MGAT4C: variants seen among roughly 807,000 people sequenced by gnomAD.
MGAT4C encodes MGAT4 family member C, also known as alpha-1,3-mannosyl-glycoprotein 4-beta-N-acetylglucosaminyltransferase C.
MGAT4C carries 19 observed loss-of-function variants against 40.1 expected under a neutral mutation model. The observed-to-expected ratio is 0.47, with a 90% CI of 0.33 to 0.70. MGAT4C has a LOEUF of 0.70. MGAT4C is among the 30% of genes least tolerant of loss of function. The pLI, the probability that MGAT4C is intolerant of heterozygous loss-of-function variation, is 0.02. For synonymous variants in MGAT4C, 181 were observed against 187.1 expected (o/e 0.97, Z 0.27); for missense variants, 491 against 563.2 (o/e 0.87, Z 1.30).
chr12:86,199,986 T>G (rs13378062), intron 1 of MGAT4C, among the ~76,000 whole-genome samples: 16,294 of 152,034 alleles, frequency 0.11, 1,837 homozygotes, highest in African/African-American at 0.29. Context: ...ATAGAACATT[T>G]CCATCCCCAG....
At chr12:86,513,251 G>A (rs1379283840) in intron 2 of MGAT4C, among the ~76,000 whole-genome samples, 1 of 152,042 alleles carries the variant, frequency 6.6e-6, no homozygotes, top group African/African-American at 2.4e-5. Flanking sequence ...TATATTTACA[G>A]GAAAATATGG....
At chr12:86,720,936 C>A (rs1950726245) in intron 2 of MGAT4C, among the ~76,000 whole-genome samples, 1 of 152,046 alleles carries the variant, frequency 6.6e-6, no homozygotes, top group African/African-American at 2.4e-5. Flanking sequence ...TTGGAGAGAG[C>A]TGAGCAATAA....
chr12:86,708,136 C>A (rs574450763), intron 2 of MGAT4C, among the ~76,000 whole-genome samples: 1 of 152,320 alleles, frequency 6.6e-6, no homozygotes, highest in South Asian at 2.1e-4. Context: ...AAAGTGGTTT[C>A]ATGGGCCAGG....
At chr12:86,524,635 C>A (rs1958849802) in intron 2 of MGAT4C, among the ~76,000 whole-genome samples, 1 of 152,100 alleles carries the variant, frequency 6.6e-6, no homozygotes, top group African/African-American at 2.4e-5. Flanking sequence ...TGGGAAATTT[C>A]TCATGGATGA....
intron 1 of MGAT4C, among the ~76,000 whole-genome samples, chr12:86,228,711 G>A (rs895527000): frequency 3.3e-5 from 5 of 151,824 alleles, no homozygotes; most frequent in Non-Finnish European, 7.4e-5. Context: ...CTTTATGTAT[G>A]TAAGACTCTA....
chr12:86,051,562 C>A (rs965391911), intron 1 of MGAT4C, among the ~76,000 whole-genome samples: 1 of 151,568 alleles, frequency 6.6e-6, no homozygotes, highest in Non-Finnish European at 1.5e-5. Context: ...AAGATAATTT[C>A]ATCTGGTTAA....
At chr12:86,660,857 C>T (rs957424200) in intron 2 of MGAT4C, among the ~76,000 whole-genome samples, 1 of 152,092 alleles carries the variant, frequency 6.6e-6, no homozygotes, top group Non-Finnish European at 1.5e-5. Flanking sequence ...CATGCCTTAT[C>T]CATATGTAGA....
intron 3 of MGAT4C, among the ~76,000 whole-genome samples, chr12:86,366,468 G>C (rs1188028389): frequency 6.6e-6 from 1 of 152,138 alleles, no homozygotes; most frequent in Non-Finnish European, 1.5e-5. Context: ...ATAAATGCAA[G>C]AACAGGAAAC....
intron 1 of MGAT4C, among the ~76,000 whole-genome samples, chr12:86,755,271 T>C (rs1172123293): frequency 2.0e-5 from 3 of 152,182 alleles, no homozygotes. Context: ...GCCTCACAAA[T>C]TTTGGAGTTG....
intron 2 of MGAT4C, among the ~76,000 whole-genome samples, chr12:86,450,328 T>C (rs2136286400): frequency 6.6e-6 from 1 of 152,310 alleles, no homozygotes; most frequent in Middle Eastern, 3.4e-3. Context: ...GTGAAGTGCT[T>C]AGTTTTTTAT....
At chr12:86,060,855 G>T (rs1204372402) in intron 1 of MGAT4C, among the ~76,000 whole-genome samples, 2 of 152,114 alleles carry the variant, frequency 1.3e-5, no homozygotes, top group Non-Finnish European at 2.9e-5. Context: ...GTGCTCCTGG[G>T]GGACTGAGCT....
chr12:86,298,207 A>G (rs908030800), intron 4 of MGAT4C, among the ~76,000 whole-genome samples: 10 of 152,194 alleles, frequency 6.6e-5, no homozygotes, highest in African/African-American at 2.4e-4. Context: ...GTACAAAATT[A>G]TGCAATTCAC....
intron 2 of MGAT4C, among the ~76,000 whole-genome samples, chr12:86,678,408 ACT>A (rs1400229573): frequency 1.4e-5 from 2 of 145,258 alleles, no homozygotes; most frequent in African/African-American, 5.1e-5. Context: ...CTTCCAAACC[ACT>A]CTGTTTCCTC....
intron 2 of MGAT4C, among the ~76,000 whole-genome samples, chr12:86,631,845 G>A (rs535437073): frequency 1.3e-5 from 2 of 152,128 alleles, no homozygotes; most frequent in South Asian, 4.1e-4. Context: ...ATAGGCATGG[G>A]CAAGGACTTC....
At chr12:86,356,940 A>C (rs1955328023) in intron 3 of MGAT4C, among the ~76,000 whole-genome samples, 1 of 152,188 alleles carries the variant, frequency 6.6e-6, no homozygotes, top group Admixed American at 6.5e-5. Flanking sequence ...CTGCAGACTT[A>C]AACCTCCCTG....
intron 3 of MGAT4C, among the ~76,000 whole-genome samples, chr12:86,357,778 A>T (rs1350617046): frequency 6.6e-6 from 1 of 152,182 alleles, no homozygotes; most frequent in African/African-American, 2.4e-5. Flanking sequence ...AAGTTTAAAG[A>T]AAAAAGAGTA....
intron 2 of MGAT4C, among the ~76,000 whole-genome samples, chr12:86,446,375 G>T (rs1359608501): frequency 6.6e-6 from 1 of 151,432 alleles, no homozygotes; most frequent in African/African-American, 2.4e-5. Flanking sequence ...TTTTCTCAAA[G>T]GAATACACCA....
intron 1 of MGAT4C, among the ~76,000 whole-genome samples, chr12:86,049,992 A>G (rs1225667737): frequency 6.6e-6 from 1 of 151,994 alleles, no homozygotes; most frequent in Non-Finnish European, 1.5e-5. Flanking sequence ...TGAATTATAT[A>G]TAACATAATA....
intron 3 of MGAT4C, among the ~76,000 whole-genome samples, chr12:86,380,933 T>C (rs1424665610): frequency 6.6e-6 from 1 of 152,152 alleles, no homozygotes; most frequent in Non-Finnish European, 1.5e-5. Flanking sequence ...GGGAATTTCT[T>C]TGAGAAGTAT....
Sources: allele counts gnomAD v4.1 joint callset (sites outside exome capture counted in the v4.1 genomes callset), GRCh38; gene constraint gnomAD v4.1.1; transcripts MANE v1.5; gene names NCBI Gene and HGNC (gene_info 2026-07-23, HGNC 2026-07-21).